The following DLGAP2 variants were observed in gnomAD, a reference collection of about 807,000 sequenced individuals.
DLGAP2 encodes the protein disks large-associated protein 2.
A neutral mutation model predicts 100.3 loss-of-function variants in DLGAP2; 26 were observed. The ratio of observed to expected loss-of-function variants is 0.26; its 90% confidence interval spans 0.19 to 0.36. The LOEUF (loss-of-function observed/expected upper bound fraction) is 0.36, where lower values mean the gene tolerates loss of function less well. Ranked by LOEUF, DLGAP2 falls within the 10% of genes least tolerant of loss-of-function variation. DLGAP2 has a pLI of 1.00. For synonymous variants in DLGAP2, 886 were observed against 630.1 expected, an observed-to-expected ratio of 1.41 and a Z score of -6.08; for missense variants, 1,858 against 1,453.2, an observed-to-expected ratio of 1.28 and a Z score of -4.53.
At chr8:1,330,076 T>C (rs1056314962) in intron 3 of DLGAP2, among the ~76,000 whole-genome samples, 5 of 152,168 alleles carry the variant, frequency 3.3e-5, no homozygotes, top group Non-Finnish European at 5.9e-5. Flanking sequence ...TGGGTCACAG[T>C]CCCTCATGTG....
rs549574615 is a variant in DLGAP2 at position 1,392,467 on chromosome 8, C to T, written c.107-108899C>T. ...GGCAAACCCGTTCCGCTGACTTGGACGCCGCGTGGTCCTTCTAAGTGCCAT... is the reference window on the plus strand; with the variant it reads ...GGCAAACCCGTTCCGCTGACTTGGATGCCGCGTGGTCCTTCTAAGTGCCAT... On this transcript the variant is annotated intron_variant, in intron 3 of 14. Transcript: ENST00000637795. Among the ~76,000 whole-genome samples the T allele has an allele frequency of 1.9e-4, 29 of 152,366 alleles. 1 individual carries two copies. In the South Asian group the frequency reaches 5.2e-3, roughly 27 times the overall value.
intron 3 of DLGAP2, among the ~76,000 whole-genome samples, chr8:1,352,306 A>C (rs1801753471): frequency 1.3e-5 from 2 of 148,364 alleles, no homozygotes; most frequent in African/African-American, 5.0e-5. Flanking sequence ...GTGTGTGGAA[A>C]GGCCGTGCGG....
At chr8:1,501,160 T>G (rs1273653831) in intron 3 of DLGAP2, among the ~76,000 whole-genome samples, 1 of 152,188 alleles carries the variant, frequency 6.6e-6, no homozygotes, top group Non-Finnish European at 1.5e-5. Context: ...GCATCTGTGG[T>G]CACAATGCTG....
intron 6 of DLGAP2, among the ~76,000 whole-genome samples, chr8:1,573,618 A>AC (rs1802841389): frequency 6.6e-6 from 1 of 151,934 alleles, no homozygotes; most frequent in Non-Finnish European, 1.5e-5. Flanking sequence ...GTATGCAGGA[A>AC]ACATCACGTG....
At chr8:1,359,884 G>A (rs556543274) in intron 3 of DLGAP2, among the ~76,000 whole-genome samples, 4 of 152,350 alleles carry the variant, frequency 2.6e-5, no homozygotes, top group African/African-American at 9.6e-5. Context: ...CCATAAATTT[G>A]TTAAAGAAAA....
chr8:1,188,842 A>C (rs6651434), intron 2 of DLGAP2, among the ~76,000 whole-genome samples: 16,895 of 152,284 alleles, frequency 0.11, 2,773 homozygotes, highest in African/African-American at 0.36. Flanking sequence ...TTAGGAAACA[A>C]TGACTTGTCA....
chr8:1,332,226 G>A (rs1377532692), intron 3 of DLGAP2, among the ~76,000 whole-genome samples: 3 of 152,108 alleles, frequency 2.0e-5, no homozygotes, highest in Non-Finnish European at 4.4e-5. Flanking sequence ...GTTTGTGTGA[G>A]TGTGCCTGCA....
rs571293673 is a variant in DLGAP2 at position 1,045,787 on chromosome 8, T to C, written c.73+137821T>C. ...GACACCCAGAAGAGTTCCTGGCACATAGTAAGTGCTCAGCAAACATTGGCA... is the reference window on the plus strand; with the variant it reads ...GACACCCAGAAGAGTTCCTGGCACACAGTAAGTGCTCAGCAAACATTGGCA... On this transcript the variant is annotated intron_variant, in intron 2 of 14. Transcript: ENST00000637795. 1.2e-4 allele frequency among the ~76,000 whole-genome samples: 19 copies of C among 152,274 alleles called. No individual in the cohort carries two copies. In the South Asian group the frequency reaches 3.9e-3, roughly 32 times the overall value.
At chr8:1,475,006 T>G (rs1052861256) in intron 3 of DLGAP2, among the ~76,000 whole-genome samples, 4 of 152,040 alleles carry the variant, frequency 2.6e-5, no homozygotes, top group African/African-American at 9.7e-5. Context: ...GGGGATTGAA[T>G]AAAGAAAATA....
intron 2 of DLGAP2, among the ~76,000 whole-genome samples, chr8:1,245,464 C>T (rs911526515): frequency 6.6e-6 from 1 of 152,208 alleles, no homozygotes; most frequent in African/African-American, 2.4e-5. Flanking sequence ...ACCTCAGAAA[C>T]ATTTTCTACG....
chr8:1,184,841 C>T (rs7018044), intron 2 of DLGAP2, among the ~76,000 whole-genome samples: 1 of 152,176 alleles, frequency 6.6e-6, no homozygotes, highest in African/African-American at 2.4e-5. Context: ...ACGCCTTGGC[C>T]TTATAATCTC....
intron 2 of DLGAP2, chr8:1,019,410 C>T (rs1250617243): frequency 2.6e-5 from 4 of 151,932 alleles, no homozygotes; most frequent in Admixed American, 6.6e-5. Flanking sequence ...AGATTTTCAC[C>T]GAGAATCGCA....
At chr8:1,355,939 G>A (rs1801839234) in intron 3 of DLGAP2, among the ~76,000 whole-genome samples, 2 of 152,112 alleles carry the variant, frequency 1.3e-5, no homozygotes, top group South Asian at 2.1e-4. Context: ...GGCAATTCAA[G>A]TACATGCGTG....
At chr8:1,267,626 ATATT>A (rs1403219648) in intron 3 of DLGAP2, among the ~76,000 whole-genome samples, 2 of 87,410 alleles carry the variant, frequency 2.3e-5, no homozygotes, top group Non-Finnish European at 5.1e-5. Flanking sequence ...GATAAGATAA[ATATT>A]AAATAGGTCT....
At chr8:1,531,235 C>CGTGTGTGTGTGTGTGTGT (rs529630124) in intron 4 of DLGAP2, among the ~76,000 whole-genome samples, 10 of 140,128 alleles carry the variant, frequency 7.1e-5, no homozygotes, top group African/African-American at 2.8e-4. Context: ...TATTAGAGAG[C>CGTGTGTGTGTGTGTGTGT]GTGTGCGTGT....
At chr8:767,266 C>T (rs750878130) in intron 1 of DLGAP2, among the ~76,000 whole-genome samples, 1 of 151,888 alleles carries the variant, frequency 6.6e-6, no homozygotes, top group Non-Finnish European at 1.5e-5. Flanking sequence ...GCCTGGTGAG[C>T]CACAGTTGTG....
chr8:1,203,022 C>G (rs57281145), intron 2 of DLGAP2, among the ~76,000 whole-genome samples: 47,599 of 152,044 alleles, frequency 0.31, 9,061 homozygotes, highest in African/African-American at 0.54. Context: ...CCCCATCCAT[C>G]TGCCGGGCAC....
chr8:1,437,185 G>C (rs561026017), intron 3 of DLGAP2, among the ~76,000 whole-genome samples: 10 of 150,226 alleles, frequency 6.7e-5, no homozygotes, highest in African/African-American at 2.4e-4. Flanking sequence ...ACGCCATCCG[G>C]GTCTGCGTTC....
At chr8:948,724 C>T (rs571129704) in intron 2 of DLGAP2, among the ~76,000 whole-genome samples, 4 of 152,396 alleles carry the variant, frequency 2.6e-5, no homozygotes, top group South Asian at 2.1e-4. Context: ...CCAGGCCACC[C>T]TTCTCACTGC....
Sources: gnomAD v4.1 joint callset for allele counts (sites outside exome capture counted in the v4.1 genomes callset) on GRCh38, gnomAD v4.1.1 for gene constraint, MANE v1.5 for transcripts, NCBI Gene and HGNC (gene_info 2026-07-23, HGNC 2026-07-21) for gene names.